C6orf132: variants seen among roughly 807,000 people sequenced by gnomAD.
The protein encoded by C6orf132 is chromosome 6 open reading frame 132, also known as uncharacterized protein C6orf132.
A neutral mutation model predicts 65.3 loss-of-function variants in C6orf132; 43 were observed. The observed-to-expected ratio is 0.66, with a 90% CI of 0.52 to 0.85. The LOEUF (loss-of-function observed/expected upper bound fraction) is 0.85, where lower values mean the gene tolerates loss of function less well. Ranked by LOEUF, C6orf132 falls within the 40% of genes least tolerant of loss-of-function variation. The pLI is 0.00. For missense variants in C6orf132, 1,488 were observed against 1,548.8 expected, an observed-to-expected ratio of 0.96 and a Z score of 0.66; for synonymous variants, 631 against 654.1, an observed-to-expected ratio of 0.96 and a Z score of 0.54.
Position 42,107,030 on chromosome 6 carries a change from G to T in C6orf132, c.882C>A (p.Pro294=). 6.5e-7 allele frequency: 1 copy of T among 1,529,772 alleles called. No homozygotes were observed. Among genetic ancestry groups the T allele is most frequent in the Admixed American group, 2.0e-5 (1 of 50,542 alleles). The allele number at this position is 1,529,772 out of a possible 1,614,324, so 94.8% of individuals were successfully genotyped here. Residue 294 remains proline, a synonymous_variant, in exon 4 of 5, where the codon CCC becomes CCA. Coordinates refer to ENST00000341865, the MANE Select transcript of C6orf132 (RefSeq NM_001164446.3). ...TGAAAGAACGGGGGAAGGTGAGATG[G>T]GGCTCTGGGTTAGGTCCCAGGGCGC... ...KGSALGPNPE[P]HLTFPRSFKV...
Position 42,105,529 on chromosome 6 carries a change from C to A in C6orf132, c.2383G>T (p.Ala795Ser). Reference protein sequence around the residue: ...VMPTLARGGAAGPGEPVEVKE... With the variant: ...VMPTLARGGASGPGEPVEVKE... ...ACCTCCACGGGCTCCCCTGGCCCTG[C>A]AGCCCCTCCTCTGGCCAGGGTGGGC... The change falls in exon 4 of 5, where the codon GCA becomes TCA. Residue 795 changes from alanine to serine, a missense_variant. Ala to Ser is a moderately conservative substitution (Grantham distance 99). Transcript: ENST00000341865. The A allele has an allele frequency of 6.5e-7, 1 of 1,533,696 alleles. No homozygotes were observed. Among genetic ancestry groups the A allele is most frequent in the Non-Finnish European group, 8.7e-7 (1 of 1,144,836 alleles).
chr6:42,141,420 T>A (rs74895378), intron 1 of C6orf132, among the ~76,000 whole-genome samples: 1,643 of 152,186 alleles, frequency 0.011, 41 homozygotes, highest in East Asian at 0.1. Context: ...ACACAAGAAA[T>A]GGATTTCTGT....
At chr6:42,126,800 G>C in intron 2 of C6orf132, 1 of 402,846 alleles carries the variant, frequency 2.5e-6, no homozygotes. Flanking sequence ...CCGAGATCAC[G>C]CCATTGTACC....
chr6:42,117,231 TTCTGAGTAC>T (rs1766597387), intron 2 of C6orf132, among the ~76,000 whole-genome samples: 1 of 152,220 alleles, frequency 6.6e-6, no homozygotes. Flanking sequence ...CAAGGCACTG[TTCTGAGTAC>T]TTCACATATA....
At chr6:42,139,724 T>C (rs1767004404) in intron 1 of C6orf132, among the ~76,000 whole-genome samples, 1 of 152,214 alleles carries the variant, frequency 6.6e-6, no homozygotes, top group African/African-American at 2.4e-5. Flanking sequence ...CATCAGCTAT[T>C]GTTAGTGTCA....
At chr6:42,110,176 A>G in intron 3 of C6orf132, 40 bp downstream of exon 3, 1 of 1,504,210 alleles carries the variant, frequency 6.6e-7, no homozygotes. Flanking sequence ...CCCTAGGAGG[A>G]AAGAAAGATG....
chr6:42,137,577 C>T (rs1461168807), intron 1 of C6orf132, among the ~76,000 whole-genome samples: 6 of 152,074 alleles, frequency 3.9e-5, no homozygotes, highest in Non-Finnish European at 8.8e-5. Flanking sequence ...CGAGGGTCCT[C>T]CTGATAAGGA....
intron 1 of C6orf132, among the ~76,000 whole-genome samples, chr6:42,138,850 A>AACACACACACACACAC (rs59373265): frequency 0.23 from 32,490 of 142,462 alleles, 4,027 homozygotes; most frequent in East Asian, 0.3. Context: ...CATGCATTTA[A>AACACACACACACACAC]ACACACACAC....
In C6orf132 at chr6:42,138,611, T is replaced by C. The variant is rs78777373; in HGVS notation, c.145+3689A>G. The stretch of plus-strand genomic sequence containing the variant: ...AGAATCTGCATTTCAAATAAATGTC[T>C]GAGGTAGCTGTGAGCTGTCCCATTT... On this transcript the variant is annotated intron_variant, in intron 1 of 4. Coordinates refer to ENST00000341865, the MANE Select transcript of C6orf132 (RefSeq NM_001164446.3). Among the ~76,000 whole-genome samples the C allele has an allele frequency of 7.9e-3, 1,199 of 152,306 alleles. 36 individuals carry two copies. The highest frequency in any genetic ancestry group is 0.057 in the Admixed American group (875 of 15,300).
intron 3 of C6orf132, 108 bp from the exon 4 acceptor site, chr6:42,107,691 G>T: frequency 7.5e-7 from 1 of 1,327,354 alleles, no homozygotes; most frequent in Non-Finnish European, 1.0e-6. Flanking sequence ...GAGAATGACT[G>T]GATCATTTTC....
intron 1 of C6orf132, among the ~76,000 whole-genome samples, chr6:42,134,307 G>A (rs1766905111): frequency 6.6e-6 from 1 of 152,222 alleles, no homozygotes; most frequent in Admixed American, 6.5e-5. Flanking sequence ...TCCCTGCTGG[G>A]CAGGCTGATG....
chr6:42,142,449 C>T lies in C6orf132; in HGVS notation c.-5G>A, dbSNP rs1430305733. On this transcript the variant is annotated 5_prime_UTR_variant, in exon 1 of 5. Coordinates refer to ENST00000341865, the MANE Select transcript of C6orf132 (RefSeq NM_001164446.3). Reference sequence around the variant, plus strand: ...CACCGTCTGCTTCTTTTTCATGCTGCCGCAGCCCGCGCGGGCGCCAGGGAA... The same window carrying T: ...CACCGTCTGCTTCTTTTTCATGCTGTCGCAGCCCGCGCGGGCGCCAGGGAA... 2.6e-6 allele frequency: 4 copies of T among 1,550,052 alleles called. No individual in the cohort carries two copies. The highest frequency in any genetic ancestry group is 3.5e-6 in the Non-Finnish European group (4 of 1,146,398).
At chr6:42,123,338 G>C (rs540149425) in intron 2 of C6orf132, among the ~76,000 whole-genome samples, 1 of 150,750 alleles carries the variant, frequency 6.6e-6, no homozygotes, top group African/African-American at 2.4e-5. Context: ...AGCCGAGATC[G>C]CACCACTGCA....
intron 1 of C6orf132, 66 bp downstream of exon 1, chr6:42,142,234 C>A (rs960267871): frequency 5.3e-6 from 8 of 1,500,712 alleles, no homozygotes; most frequent in South Asian, 1.2e-5. Flanking sequence ...CAGGAGACAG[C>A]ACCGCCGGCC....
chr6:42,106,426 C>G lies in C6orf132; in HGVS notation c.1486G>C (p.Val496Leu), dbSNP rs1175851240. 6.5e-7 allele frequency: 1 copy of G among 1,536,110 alleles called. No homozygotes were observed. Among genetic ancestry groups the G allele is most frequent in the Admixed American group, 2.0e-5 (1 of 50,978 alleles). Residue 496 changes from valine (V) to leucine (L), a missense_variant, in exon 4 of 5, where the codon GTG (valine) becomes CTG (leucine). Coordinates refer to ENST00000341865, the MANE Select transcript of C6orf132 (RefSeq NM_001164446.3). The stretch of plus-strand genomic sequence containing the variant: ...TTGCCCTCCTTGCTCTGAGGGGCCA[C>G]TGTTGGGCCTGGCCTGTGACTGAGG... ...RFLSHRPGPTVAPQSKEGKKG... is the reference protein window; with the variant it reads ...RFLSHRPGPTLAPQSKEGKKG...
At chr6:42,123,634 T>C (rs921123473) in intron 2 of C6orf132, among the ~76,000 whole-genome samples, 1 of 151,946 alleles carries the variant, frequency 6.6e-6, no homozygotes, top group African/African-American at 2.4e-5. Context: ...GGACAGGCTC[T>C]GGCTTGCTCT....
At chr6:42,116,137 C>T (rs937500574) in intron 2 of C6orf132, among the ~76,000 whole-genome samples, 5 of 151,710 alleles carry the variant, frequency 3.3e-5, no homozygotes, top group Non-Finnish European at 5.9e-5. Flanking sequence ...ACTATGTTGG[C>T]CAGGCTGGTC....
chr6:42,113,726 G>T (rs371769619), intron 2 of C6orf132, among the ~76,000 whole-genome samples: 2 of 152,074 alleles, frequency 1.3e-5, no homozygotes, highest in Admixed American at 6.5e-5. Flanking sequence ...AAGGCAGGGA[G>T]AATTGCTTGA....
intron 2 of C6orf132, among the ~76,000 whole-genome samples, chr6:42,127,172 C>T (rs1292847355): frequency 2.0e-5 from 3 of 152,172 alleles, no homozygotes; most frequent in Non-Finnish European, 4.4e-5. Flanking sequence ...CCAGGCTAGT[C>T]TTGAACTCCT....
Sources: gnomAD v4.1 joint callset for allele counts (sites outside exome capture counted in the v4.1 genomes callset) on GRCh38, gnomAD v4.1.1 for gene constraint, MANE v1.5 for transcripts, NCBI Gene and HGNC (gene_info 2026-07-23, HGNC 2026-07-21) for gene names.